CTNNA3: variants seen among roughly 807,000 people sequenced by gnomAD.
The protein encoded by CTNNA3 is catenin alpha-3.
CTNNA3 carries 76 observed loss-of-function variants against 95.7 expected under a neutral mutation model. That is an observed-to-expected ratio of 0.79 (90% confidence interval 0.66 to 0.96). The LOEUF is 0.96. Among genes scored for constraint, CTNNA3 ranks in the 40% least tolerant of loss-of-function variants. The probability of loss-of-function intolerance (pLI) is 0.00; values close to 1 mark genes in which losing one functional copy is unlikely to be tolerated. For missense variants in CTNNA3, 1,191 were observed against 1,089.8 expected (o/e 1.09, Z -1.31); for synonymous variants, 431 against 374.4 (o/e 1.15, Z -1.74).
chr10:66,447,084 A>G (rs1400325386), intron 11 of CTNNA3, among the ~76,000 whole-genome samples: 1 of 151,724 alleles, frequency 6.6e-6, no homozygotes, highest in Admixed American at 6.6e-5. Flanking sequence ...AATTGCTTCA[A>G]AGAGAATAAA....
intron 13 of CTNNA3, among the ~76,000 whole-genome samples, chr10:66,199,765 CTA>C (rs59585958): frequency 0.018 from 560 of 30,682 alleles, 6 homozygotes; most frequent in East Asian, 0.021. Flanking sequence ...CCACGCCTGG[CTA>C]TATATATATA....
chr10:66,676,997 G>A (rs1421161591), intron 9 of CTNNA3, among the ~76,000 whole-genome samples: 1 of 152,044 alleles, frequency 6.6e-6, no homozygotes, highest in African/African-American at 2.4e-5. Flanking sequence ...GGTACTGAGT[G>A]GTCAGAAATG....
chr10:66,655,008 T>A (rs1846027945), intron 9 of CTNNA3, among the ~76,000 whole-genome samples: 1 of 151,998 alleles, frequency 6.6e-6, no homozygotes, highest in Non-Finnish European at 1.5e-5. Context: ...ATGAACATGT[T>A]CAAGAGATCT....
intron 15 of CTNNA3, among the ~76,000 whole-genome samples, chr10:66,060,665 T>C (rs1367038690): frequency 6.6e-6 from 1 of 152,070 alleles, no homozygotes; most frequent in Non-Finnish European, 1.5e-5. Context: ...AGAGAGGGAC[T>C]GAAAAAGGCA....
chr10:67,376,627 T>A (rs1843699973), intron 5 of CTNNA3, among the ~76,000 whole-genome samples: 1 of 152,214 alleles, frequency 6.6e-6, no homozygotes, highest in Admixed American at 6.5e-5. Context: ...TGTTCACACA[T>A]TCAGCTTTAT....
intron 1 of CTNNA3, among the ~76,000 whole-genome samples, chr10:67,730,210 G>C (rs1841266677): frequency 6.6e-6 from 1 of 151,988 alleles, no homozygotes; most frequent in African/African-American, 2.4e-5. Context: ...ACATACTCGA[G>C]CTAAAAAGCA....
chr10:67,659,639 T>G (rs999048986), intron 1 of CTNNA3, among the ~76,000 whole-genome samples: 3 of 152,204 alleles, frequency 2.0e-5, no homozygotes, highest in African/African-American at 7.2e-5. Flanking sequence ...AAGCTTTCAC[T>G]GAATCACCAG....
chr10:66,789,422 G>A (rs955541322), intron 7 of CTNNA3, among the ~76,000 whole-genome samples: 1 of 152,008 alleles, frequency 6.6e-6, no homozygotes, highest in East Asian at 1.9e-4. Context: ...TAATCCACCC[G>A]CCTCAGCCTC....
In CTNNA3 at chr10:66,374,606, C is replaced by CTTTT. The variant is rs58880058; in HGVS notation, c.1732+4542_1732+4545dup. ...TCATATTCCATTTTGAAAGAAAAGC[C>CTTTT]TTTTTTTTTTTTTTTTTTTTTTTTT... On this transcript the variant is annotated intron_variant, in intron 12 of 17. Coordinates refer to ENST00000433211, the MANE Select transcript of CTNNA3 (RefSeq NM_013266.4). Among the ~76,000 whole-genome samples, 55 of 88,154 alleles carry CTTTT rather than the reference C, an allele frequency of 6.2e-4. 2 individuals are homozygous for CTTTT. The highest frequency in any genetic ancestry group is 1.7e-3 in the East Asian group (4 of 2,338). 57.8% of individuals were successfully genotyped at this position (88,154 alleles called of 152,430 possible).
At chr10:66,626,505 G>A (rs1844941312) in intron 9 of CTNNA3, among the ~76,000 whole-genome samples, 1 of 152,180 alleles carries the variant, frequency 6.6e-6, no homozygotes, top group African/African-American at 2.4e-5. Context: ...TCCAGAGGCA[G>A]ATAATTTATT....
intron 9 of CTNNA3, among the ~76,000 whole-genome samples, chr10:66,662,161 G>C (rs1216750923): frequency 6.6e-6 from 1 of 152,064 alleles, no homozygotes; most frequent in Non-Finnish European, 1.5e-5. Context: ...ATTTTATCTG[G>C]CAAGTCTAAT....
At chr10:66,138,287 T>C (rs10996927) in intron 13 of CTNNA3, among the ~76,000 whole-genome samples, 22,854 of 152,012 alleles carry the variant, frequency 0.15, 2,153 homozygotes, top group Middle Eastern at 0.21. Flanking sequence ...ATTTACTTTA[T>C]CTATATTATC....
chr10:67,727,633 A>C (rs980930864), intron 1 of CTNNA3, among the ~76,000 whole-genome samples: 5 of 128,754 alleles, frequency 3.9e-5, no homozygotes, highest in Admixed American at 9.0e-5. Context: ...GGTCTATTAT[A>C]TATTATATAT....
At position 66,335,866 on chromosome 10, in the gene CTNNA3, G is replaced by C. The variant is rs528711958; in HGVS notation, c.1732+43286C>G. On this transcript the variant is annotated intron_variant, in intron 12 of 17. Coordinates refer to ENST00000433211, the MANE Select transcript of CTNNA3 (RefSeq NM_013266.4). ...AGGCAGGCAGGTCTCCTTGAGCTGT[G>C]GTGGGCTCCACCCAGTTTGAGCTTC... Among the ~76,000 whole-genome samples, 10 of 151,570 alleles carry C rather than the reference G, an allele frequency of 6.6e-5. No homozygotes were observed. In the East Asian group the frequency reaches 1.9e-3, roughly 30 times the overall value.
At chr10:67,750,140 T>C in intron 1 of CTNNA3, 2 of 823,718 alleles carry the variant, frequency 2.4e-6, no homozygotes, top group Non-Finnish European at 3.9e-6. Flanking sequence ...CACACCATCT[T>C]TAAGAGCTGT....
At chr10:66,299,645 T>G (rs972281050) in intron 12 of CTNNA3, among the ~76,000 whole-genome samples, 4 of 152,098 alleles carry the variant, frequency 2.6e-5, no homozygotes, top group African/African-American at 9.7e-5. Flanking sequence ...ATACTATCCA[T>G]TCAGAGAGAA....
intron 8 of CTNNA3, among the ~76,000 whole-genome samples, chr10:66,772,729 C>T (rs1840144499): frequency 6.6e-6 from 1 of 152,178 alleles, no homozygotes; most frequent in Admixed American, 6.5e-5. Flanking sequence ...TTAGATATTT[C>T]TAAGCAATCT....
At chr10:66,691,103 G>GGA (rs1190645352) in intron 9 of CTNNA3, among the ~76,000 whole-genome samples, 1 of 152,290 alleles carries the variant, frequency 6.6e-6, no homozygotes, top group East Asian at 1.9e-4. Flanking sequence ...GCCAGACAGT[G>GGA]GACGCAGGAC....
At chr10:66,683,848 A>G (rs2132509187) in intron 9 of CTNNA3, among the ~76,000 whole-genome samples, 1 of 152,172 alleles carries the variant, frequency 6.6e-6, no homozygotes, top group Non-Finnish European at 1.5e-5. Flanking sequence ...AGGCAGGGGG[A>G]TGTAGGATAC....
Sources: gnomAD v4.1 joint callset for allele counts (sites outside exome capture counted in the v4.1 genomes callset) on GRCh38, gnomAD v4.1.1 for gene constraint, MANE v1.5 for transcripts, NCBI Gene and HGNC (gene_info 2026-07-23, HGNC 2026-07-21) for gene names.